Variants in PCDHAC2 observed in about 807,000 individuals in gnomAD.
The protein encoded by PCDHAC2 is protocadherin alpha-C2.
PCDHAC2 carries 24 observed loss-of-function variants against 63.3 expected under a neutral mutation model. The observed-to-expected ratio is 0.38, with a 90% CI of 0.27 to 0.53. The LOEUF is 0.53. Among genes scored for constraint, PCDHAC2 ranks in the 20% least tolerant of loss-of-function variants. The probability of loss-of-function intolerance (pLI) is 0.81; values close to 1 mark genes in which losing one functional copy is unlikely to be tolerated. For synonymous variants in PCDHAC2, 569 were observed against 529.4 expected (o/e 1.07, Z -1.03); for missense variants, 1,181 against 1,275.2 (o/e 0.93, Z 1.12).
In PCDHAC2 at chr5:140,968,377, T is replaced by C. The variant is rs1461765123; in HGVS notation, c.1611T>C (p.Phe537=). 2.5e-6 allele frequency: 4 copies of C among 1,613,962 alleles called. No individual in the cohort carries two copies. In the African/African-American group the frequency reaches 4.0e-5, roughly 16 times the overall value. The part of the protein sequence containing the change: ...ASGSLYAVNS[F]DYEKFREFFV... ...GCAGCCTTTATGCTGTCAACTCCTT[T>C]GACTATGAGAAGTTTCGGGAGTTCT... The change falls in exon 1 of 4, where the codon TTT becomes TTC. Residue 537 remains phenylalanine (F), a synonymous_variant. Transcript: ENST00000289269.
chr5:141,008,199 T>G (rs966441661), intron 3 of PCDHAC2, among the ~76,000 whole-genome samples: 3 of 152,338 alleles, frequency 2.0e-5, no homozygotes, highest in Admixed American at 2.0e-4. Flanking sequence ...AGTAATATAA[T>G]GAACTTGACA....
intron 1 of PCDHAC2, among the ~76,000 whole-genome samples, chr5:140,972,660 ATTTTTTT>A (rs11350929): frequency 8.5e-6 from 1 of 117,268 alleles, no homozygotes; most frequent in Admixed American, 9.2e-5. Flanking sequence ...AAGAAACCAA[ATTTTTTT>A]TTTTTTTTTT....
In PCDHAC2 at chr5:141,010,432, C is replaced by T; in HGVS notation, c.*495C>T. On this transcript the variant is annotated 3_prime_UTR_variant, in exon 4 of 4. Coordinates refer to ENST00000289269, the MANE Select transcript of PCDHAC2 (RefSeq NM_018899.6). The stretch of plus-strand genomic sequence containing the variant: ...AATTGGTACAAGGAAGGCAAGAAAA[C>T]AAAGACAAATAAACAGCGGAAGTTA... 1 of 1,056,970 alleles carries T rather than the reference C, an allele frequency of 9.5e-7. No individual in the cohort carries two copies. The highest frequency in any genetic ancestry group is 1.3e-6 in the Non-Finnish European group (1 of 756,282). 65.5% of individuals were successfully genotyped at this position (1,056,970 alleles called of 1,614,324 possible).
Position 141,009,697 on chromosome 5 carries a change from C to T in PCDHAC2, c.2784C>T (p.Tyr928=), listed in dbSNP as rs1554262284. ...ACAGCAACAGCTGGACCTTTAAATA[C>T]GGACCAGGCAACCCCAAACAATCCG... ...GVNSNSWTFK[Y]GPGNPKQSGP... The change falls in exon 4 of 4, where the codon TAC becomes TAT. Residue 928 remains tyrosine (Y), a synonymous_variant. Coordinates refer to ENST00000289269, the MANE Select transcript of PCDHAC2 (RefSeq NM_018899.6). 1.1e-5 allele frequency: 17 copies of T among 1,613,952 alleles called. No individual in the cohort carries two copies. The highest frequency in any genetic ancestry group is 1.1e-5 in the South Asian group (1 of 91,066).
intron 2 of PCDHAC2, among the ~76,000 whole-genome samples, chr5:140,979,453 A>G (rs2096852067): frequency 6.6e-6 from 1 of 151,906 alleles, no homozygotes; most frequent in Admixed American, 6.6e-5. Flanking sequence ...TATTACCCTC[A>G]ATAATTGATT....
In PCDHAC2 at chr5:140,967,672, C is replaced by G. The variant is rs781956405; in HGVS notation, c.906C>G (p.Asp302Glu). 36 of 1,614,182 alleles carry G rather than the reference C, an allele frequency of 2.2e-5. No individual in the cohort carries two copies. The South Asian group carries it at 3.8e-4, about 17-fold the overall frequency. ...ACTCCTTGAGCAGCTACACGTCGGACCGGGAGAGGCAGCTCTTCAGCATAG... is the reference window on the plus strand; with the variant it reads ...ACTCCTTGAGCAGCTACACGTCGGAGCGGGAGAGGCAGCTCTTCAGCATAG... ...LRYSLSSYTS[D>E]RERQLFSIDA... The change falls in exon 1 of 4, where the codon GAC (aspartate) becomes GAG (glutamate). Residue 302 changes from aspartate (D) to glutamate (E), a missense_variant. Physicochemically the swap from Asp to Glu is conservative, Grantham distance 45. This residue lies in a region of PCDHAC2 where 968 missense variants were observed against 1,073.5 expected (regional missense o/e 0.90). Transcript: ENST00000289269.
intron 1 of PCDHAC2, among the ~76,000 whole-genome samples, chr5:140,970,553 C>T (rs1349644785): frequency 5.9e-5 from 9 of 152,122 alleles, no homozygotes; most frequent in South Asian, 2.1e-4. Flanking sequence ...GTTGTGTGTT[C>T]GTCTCCATAT....
At chr5:140,985,740 T>TG (rs1554247304) in intron 3 of PCDHAC2, among the ~76,000 whole-genome samples, 2 of 53,688 alleles carry the variant, frequency 3.7e-5, no homozygotes, top group Admixed American at 1.9e-4. Flanking sequence ...GATGAATTCC[T>TG]TTTTTTTTTT....
rs1181136155 is a variant in PCDHAC2, at chr5:140,966,778, G to C, written c.12G>C (p.Ala4=). Reference sequence around the variant, plus strand: ...CGCGGCCAGTGGCTATGGAGCAGGCGGGCACCAGACCTGCGGCGACAGAGC... The same window carrying C: ...CGCGGCCAGTGGCTATGGAGCAGGCCGGCACCAGACCTGCGGCGACAGAGC... MEQ[A]GTRPAATEHP... Residue 4 remains alanine (A), a synonymous_variant, in exon 1 of 4, where the codon GCG becomes GCC. Transcript: ENST00000289269. The C allele has an allele frequency of 4.0e-6, 6 of 1,512,380 alleles. No homozygotes were observed. The African/African-American group carries it at 8.3e-5, about 21-fold the overall frequency. The allele number at this position is 1,512,380 out of a possible 1,614,324, so 93.7% of individuals were successfully genotyped here. A position where few individuals can be genotyped will look rare whatever the true frequency, so the allele number is the denominator to read the frequency against.
At chr5:140,999,980 C>G (rs1386394350) in intron 3 of PCDHAC2, among the ~76,000 whole-genome samples, 1 of 152,076 alleles carries the variant, frequency 6.6e-6, no homozygotes, top group East Asian at 1.9e-4. Flanking sequence ...GCTCTAGCGG[C>G]CTCTGGGTAG....
rs911070094 is a variant in PCDHAC2, at chr5:141,009,570, G to A, written c.2714-57G>A. On this transcript the variant is annotated intron_variant, in intron 3 of 3. Coordinates refer to ENST00000289269, the MANE Select transcript of PCDHAC2 (RefSeq NM_018899.6). ...AGTACTCCTGTACTCTACCAGCAGT[G>A]TGGCATCAAGAGCATGTGTTGACCC... The A allele has an allele frequency of 1.9e-6, 3 of 1,577,968 alleles. No homozygotes were observed. In the Admixed American group the frequency reaches 5.2e-5, roughly 28 times the overall value.
Position 141,009,661 on chromosome 5 carries a change from T to G in PCDHAC2, c.2748T>G (p.Gly916=), listed in dbSNP as rs1554262260. ...PEAGEVSPPV[G]AGVNSNSWTF... ...CAGGAGAAGTGTCCCCTCCAGTCGG[T>G]GCGGGTGTCAACAGCAACAGCTGGA... The change falls in exon 4 of 4, where the codon GGT becomes GGG. Residue 916 remains glycine (G), a synonymous_variant. Coordinates refer to ENST00000289269, the MANE Select transcript of PCDHAC2 (RefSeq NM_018899.6). 1 of 1,614,030 alleles carries G rather than the reference T, an allele frequency of 6.2e-7. No homozygotes were observed.
chr5:140,974,701 A>G (rs1299087234), intron 1 of PCDHAC2, among the ~76,000 whole-genome samples: 2 of 152,012 alleles, frequency 1.3e-5, no homozygotes, highest in Non-Finnish European at 2.9e-5. Flanking sequence ...GGGTTTCACC[A>G]TGTTGTTCAA....
chr5:141,007,779 C>T (rs1378096050), intron 3 of PCDHAC2, among the ~76,000 whole-genome samples: 4 of 152,184 alleles, frequency 2.6e-5, no homozygotes, highest in African/African-American at 9.7e-5. Context: ...AATGGTACTG[C>T]TTTACAAATT....
chr5:140,979,292 C>T (rs1449910823), intron 2 of PCDHAC2, among the ~76,000 whole-genome samples: 1 of 151,814 alleles, frequency 6.6e-6, no homozygotes, highest in African/African-American at 2.4e-5. Flanking sequence ...GTAATTTCAA[C>T]CTCCTTCATC....
chr5:140,996,659 T>C (rs2097736809), intron 3 of PCDHAC2, among the ~76,000 whole-genome samples: 1 of 152,230 alleles, frequency 6.6e-6, no homozygotes, highest in Non-Finnish European at 1.5e-5. Context: ...GGGTGCAGGC[T>C]AGTTTTTGAA....
chr5:140,997,686 G>T (rs1005092816), intron 3 of PCDHAC2, among the ~76,000 whole-genome samples: 1 of 151,980 alleles, frequency 6.6e-6, no homozygotes, highest in Non-Finnish European at 1.5e-5. Flanking sequence ...GTGTGTGTGT[G>T]TGTGTGTGTG....
In PCDHAC2 at chr5:141,011,117, C is replaced by A. The variant is rs1301385116; in HGVS notation, c.*1180C>A. The A allele has an allele frequency of 1.3e-5, 2 of 153,590 alleles. No homozygotes were observed. The highest frequency in any genetic ancestry group is 2.4e-5 in the African/African-American group (1 of 41,402). The allele number at this position is 153,590 out of a possible 1,614,324, so 9.5% of individuals were successfully genotyped here. The stretch of plus-strand genomic sequence containing the variant: ...CTCTCTCTCTCTCTTTTCTAAGAAA[C>A]AATTATGTGCACTTTGATACACAAC... On this transcript the variant is annotated 3_prime_UTR_variant, in exon 4 of 4. Coordinates refer to ENST00000289269, the MANE Select transcript of PCDHAC2 (RefSeq NM_018899.6).
At chr5:140,992,914 C>T (rs1383362253) in intron 3 of PCDHAC2, among the ~76,000 whole-genome samples, 1 of 152,220 alleles carries the variant, frequency 6.6e-6, no homozygotes, top group African/African-American at 2.4e-5. Context: ...CTTAGGCCCT[C>T]TCCATACTTA....
Sources: gnomAD v4.1 joint callset for allele counts (sites outside exome capture counted in the v4.1 genomes callset) on GRCh38, gnomAD v4.1.1 for gene constraint, gnomAD v4.1.1 regional missense constraint, MANE v1.5 for transcripts, NCBI Gene and HGNC (gene_info 2026-07-23, HGNC 2026-07-21) for gene names.